The following BARX2 variants were observed in gnomAD, a reference collection of about 807,000 sequenced individuals.
BARX2 encodes the protein BARX homeobox 2.
In BARX2, 11 loss-of-function variants were observed where a neutral mutation model predicts 25.5. The observed-to-expected ratio is 0.43, with a 90% CI of 0.27 to 0.71. BARX2 has a LOEUF of 0.71. Among genes scored for constraint, BARX2 ranks in the 30% least tolerant of loss-of-function variants. The pLI, the probability that BARX2 is intolerant of heterozygous loss-of-function variation, is 0.19. For missense variants in BARX2, 360 were observed against 359.9 expected, an observed-to-expected ratio of 1.00 and a Z score of 0.00; for synonymous variants, 137 against 149.5, an observed-to-expected ratio of 0.92 and a Z score of 0.61.
chr11:129,405,622 G>A (rs1402453523), intron 1 of BARX2, among the ~76,000 whole-genome samples: 1 of 152,154 alleles, frequency 6.6e-6, no homozygotes, highest in Non-Finnish European at 1.5e-5. Context: ...ATTGTTTGGG[G>A]AATACAGATG....
chr11:129,375,638 G>T (rs1861493285), upstream of BARX2, among the ~76,000 whole-genome samples: 2 of 152,028 alleles, frequency 1.3e-5, no homozygotes, highest in Non-Finnish European at 2.9e-5. This position sits in a 1 kb window ranked among gnomAD's most constrained non-coding sequence, Gnocchi z 4.0. Flanking sequence ...TAGAGAGCCA[G>T]GCAGAGGAGC....
chr11:129,394,478 T>A (rs1486439990), intron 1 of BARX2, among the ~76,000 whole-genome samples: 1 of 152,236 alleles, frequency 6.6e-6, no homozygotes, highest in Non-Finnish European at 1.5e-5. Context: ...TTAGGACGCA[T>A]GCTAACTACC....
At chr11:129,392,400 G>A (rs1861674797) in intron 1 of BARX2, among the ~76,000 whole-genome samples, 2 of 152,334 alleles carry the variant, frequency 1.3e-5, no homozygotes, top group South Asian at 4.1e-4. Flanking sequence ...GTCGATTAAT[G>A]TCAGAGGAGA....
intron 1 of BARX2, among the ~76,000 whole-genome samples, chr11:129,377,090 G>A (rs545432490): frequency 9.2e-5 from 14 of 152,328 alleles, no homozygotes; most frequent in African/African-American, 3.4e-4. Context: ...CGAAAAAGAA[G>A]TAGGAGCACT....
At chr11:129,380,482 C>A (rs776166112) in intron 1 of BARX2, among the ~76,000 whole-genome samples, 6 of 152,062 alleles carry the variant, frequency 3.9e-5, no homozygotes, top group Non-Finnish European at 5.9e-5. Flanking sequence ...TCAGCTTGGT[C>A]TTTTTCAGTC....
intron 1 of BARX2, among the ~76,000 whole-genome samples, chr11:129,422,779 C>T (rs915761504): frequency 3.3e-5 from 5 of 150,900 alleles, no homozygotes; most frequent in South Asian, 4.2e-4. Context: ...TCTCGGCTCA[C>T]GGAAACCTCT....
intron 2 of BARX2, among the ~76,000 whole-genome samples, chr11:129,441,574 T>C (rs192663388): frequency 6.6e-6 from 1 of 152,214 alleles, no homozygotes; most frequent in East Asian, 1.9e-4. Flanking sequence ...TCAGCCTCCT[T>C]CGTAGCTGGG....
At chr11:129,418,046 T>C (rs542641582) in intron 1 of BARX2, among the ~76,000 whole-genome samples, 1 of 152,328 alleles carries the variant, frequency 6.6e-6, no homozygotes, top group Middle Eastern at 3.4e-3. Flanking sequence ...TTTTTGACCC[T>C]GTAATCCTGA....
chr11:129,405,759 C>T (rs927282556), intron 1 of BARX2, among the ~76,000 whole-genome samples: 12 of 152,198 alleles, frequency 7.9e-5, no homozygotes, highest in Admixed American at 2.6e-4. Flanking sequence ...CTAGTCTCCA[C>T]GTCATGCATG....
chr11:129,437,187 A>T lies in BARX2; in HGVS notation c.488+136A>T, dbSNP rs558966923. On this transcript the variant is annotated intron_variant, in intron 2 of 3. Transcript: ENST00000281437. ...TGGCGGAGTCCACTCCTTGGCTCAA[A>T]TCATCTCAACCTTGGTTAACAGAAC... The T allele has an allele frequency of 9.7e-6, 10 of 1,028,356 alleles. No individual in the cohort carries two copies. The East Asian group carries it at 2.8e-4, about 29-fold the overall frequency. 63.7% of individuals were successfully genotyped at this position (1,028,356 alleles called of 1,614,324 possible).
At chr11:129,387,347 T>C (rs1861625921) in intron 1 of BARX2, among the ~76,000 whole-genome samples, 1 of 152,198 alleles carries the variant, frequency 6.6e-6, no homozygotes, top group Non-Finnish European at 1.5e-5. Context: ...GGGAGTCTGT[T>C]CACTTGCAAC....
chr11:129,389,047 G>A (rs1490013637), intron 1 of BARX2, among the ~76,000 whole-genome samples: 1 of 151,798 alleles, frequency 6.6e-6, no homozygotes, highest in African/African-American at 2.4e-5. Context: ...TATTGGCTGT[G>A]TGACCTTAGG....
chr11:129,395,703 G>C (rs190892541), intron 1 of BARX2, among the ~76,000 whole-genome samples: 65 of 152,186 alleles, frequency 4.3e-4, no homozygotes, highest in African/African-American at 1.5e-3. Context: ...CCTGGGGGTG[G>C]GTTTTGACTG....
intron 1 of BARX2, among the ~76,000 whole-genome samples, chr11:129,410,383 C>A (rs56180488): frequency 0.041 from 6,223 of 152,186 alleles, 461 homozygotes; most frequent in African/African-American, 0.14. Context: ...TTAATGACAG[C>A]TTTCTTTATA....
chr11:129,441,871 G>A (rs55951425), intron 2 of BARX2, among the ~76,000 whole-genome samples: 25,842 of 152,168 alleles, frequency 0.17, 2,352 homozygotes, highest in African/African-American at 0.22. Context: ...CAATTACACT[G>A]CTTCACTGCG....
intron 3 of BARX2, among the ~76,000 whole-genome samples, chr11:129,449,141 A>G (rs1175229481): frequency 6.6e-6 from 1 of 152,164 alleles, no homozygotes; most frequent in South Asian, 2.1e-4. Context: ...TAGTTGTACA[A>G]TTCTGTGACT....
At chr11:129,404,862 G>A (rs1340271869) in intron 1 of BARX2, among the ~76,000 whole-genome samples, 1 of 152,150 alleles carries the variant, frequency 6.6e-6, no homozygotes, top group Non-Finnish European at 1.5e-5. Flanking sequence ...GCCTGTTTAG[G>A]GGGCTCTTTG....
chr11:129,431,467 G>C (rs1348455977), intron 1 of BARX2, among the ~76,000 whole-genome samples: 1 of 152,150 alleles, frequency 6.6e-6, no homozygotes, highest in Non-Finnish European at 1.5e-5. Flanking sequence ...GATATTGTCA[G>C]TTCATTAAAA....
At chr11:129,407,383 A>G (rs9787807) in intron 1 of BARX2, among the ~76,000 whole-genome samples, 21,951 of 152,208 alleles carry the variant, frequency 0.14, 1,987 homozygotes, top group East Asian at 0.42. Flanking sequence ...TCTATTAGCA[A>G]TTCCTTAGAT....
Sources: allele counts gnomAD v4.1 joint callset (sites outside exome capture counted in the v4.1 genomes callset), GRCh38; gene constraint gnomAD v4.1.1; non-coding constraint Gnocchi (gnomAD v3.1); transcripts MANE v1.5; gene names NCBI Gene and HGNC (gene_info 2026-07-23, HGNC 2026-07-21).